ZNF394: variants seen among roughly 807,000 people sequenced by gnomAD.
The protein encoded by ZNF394 is zinc finger protein 99.
In ZNF394, 19 loss-of-function variants were observed where a neutral mutation model predicts 21.8. That is an observed-to-expected ratio of 0.87 (90% confidence interval 0.61 to 1.28). ZNF394 has a LOEUF of 1.28. Ranked by LOEUF, ZNF394 falls within the 50% of genes most tolerant of loss-of-function variation. The pLI, the probability that ZNF394 is intolerant of heterozygous loss-of-function variation, is 0.00. For synonymous variants in ZNF394, 294 were observed against 273.3 expected (o/e 1.08, Z -0.75); for missense variants, 683 against 708.6 (o/e 0.96, Z 0.41).
rs923788623 is a variant in ZNF394 at position 99,500,264 on chromosome 7, G to C, written c.-171C>G. 1.0e-4 allele frequency: 60 copies of C among 597,438 alleles called. No individual in the cohort carries two copies. The highest frequency in any genetic ancestry group is 3.8e-5 in the Non-Finnish European group (14 of 370,898). 37.0% of individuals were successfully genotyped at this position (597,438 alleles called of 1,614,324 possible). On this transcript the variant is annotated 5_prime_UTR_variant, in exon 1 of 3. Coordinates refer to ENST00000337673, the MANE Select transcript of ZNF394 (RefSeq NM_032164.4). ...TCAGCTTTGCGCCTACAACTCTCTC[G>C]GTCAAACAACCGAAAACATCCCGTG...
At chr7:99,499,547 T>C (rs1015291776) in intron 1 of ZNF394, 91 bp downstream of exon 1, 9 of 1,191,900 alleles carry the variant, frequency 7.6e-6, no homozygotes, top group Non-Finnish European at 1.1e-5. Flanking sequence ...TCACACGAAA[T>C]GTAATAAGGA....
At chr7:99,497,971 G>GT in intron 2 of ZNF394, 1 of 136,092 alleles carries the variant, frequency 7.3e-6, no homozygotes, top group Middle Eastern at 3.6e-3. Flanking sequence ...TGTACTGTGG[G>GT]TAAGTGAAAC....
At position 99,494,174 on chromosome 7, in the gene ZNF394, C is replaced by T. The variant is rs977831559; in HGVS notation, c.1041G>A (p.Glu347=). ...TTTCTTCATGGAGCTGCCTCTGGGT[C>T]TCAAAAAGGCTGGAATGATGGAAAC... The part of the protein sequence containing the change: ...GDSFHHSSLF[E]TQRQLHEERP... Residue 347 remains glutamate (E), a synonymous_variant, in exon 3 of 3, where the codon GAG becomes GAA. Coordinates refer to ENST00000337673, the MANE Select transcript of ZNF394 (RefSeq NM_032164.4). 1.4e-5 allele frequency: 22 copies of T among 1,614,232 alleles called. No homozygotes were observed. Among genetic ancestry groups the T allele is most frequent in the Non-Finnish European group, 1.9e-5 (22 of 1,180,050 alleles).
downstream of ZNF394, among the ~76,000 whole-genome samples, chr7:99,491,999 G>T (rs975817477): frequency 5.9e-5 from 9 of 151,280 alleles, no homozygotes; most frequent in African/African-American, 2.2e-4. Flanking sequence ...CATGAACCCG[G>T]GAGGTGGAGT....
chr7:99,486,958 TG>T (rs1562889036), exon 2 of ZNF394: 1 of 1,614,192 alleles, frequency 6.2e-7, no homozygotes, highest in Middle Eastern at 1.6e-4. Flanking sequence ...CCATAAACAG[TG>T]TCACCTGCAA....
Position 99,494,602 on chromosome 7 carries a change from A to G in ZNF394, c.613T>C (p.Leu205=), listed in dbSNP as rs1800246955. The change falls in exon 3 of 3, where the codon TTG becomes CTG. Residue 205 remains leucine, a synonymous_variant. Transcript: ENST00000337673. The part of the protein sequence containing the change: ...SLESRVENKE[L]IPMQQILEEA... ...TCTAAAATTTGTTGCATTGGAATCA[A>G]CTCTTTGTTCTCCACTCTGCTTTCC... 1 of 1,601,574 alleles carries G rather than the reference A, an allele frequency of 6.2e-7. No individual in the cohort carries two copies. The highest frequency in any genetic ancestry group is 8.5e-7 in the Non-Finnish European group (1 of 1,175,662).
chr7:99,500,153 C>A lies in ZNF394; in HGVS notation c.-60G>T. ...TCTTTTCAGGTGAAGAAAGAGCAAA[C>A]CCAAGGAACTCATCAGCCGTCAACA... On this transcript the variant is annotated 5_prime_UTR_variant, in exon 1 of 3. Coordinates refer to ENST00000337673, the MANE Select transcript of ZNF394 (RefSeq NM_032164.4). 1 of 1,490,492 alleles carries A rather than the reference C, an allele frequency of 6.7e-7. No homozygotes were observed. 92.3% of individuals were successfully genotyped at this position (1,490,492 alleles called of 1,614,324 possible). A position where few individuals can be genotyped will look rare whatever the true frequency, so the allele number is the denominator to read the frequency against.
Position 99,494,495 on chromosome 7 carries a change from C to G in ZNF394, c.720G>C (p.Glu240Asp). 6.2e-7 allele frequency: 1 copy of G among 1,613,838 alleles called. No individual in the cohort carries two copies. Among genetic ancestry groups the G allele is most frequent in the Non-Finnish European group, 8.5e-7 (1 of 1,180,036 alleles). Residue 240 changes from glutamate to aspartate, a missense_variant, in exon 3 of 3, where the codon GAG becomes GAC. By Grantham distance (45) the Glu-to-Asp change is conservative. This residue lies in a region of ZNF394 where 402 missense variants were observed against 373.8 expected (regional missense o/e 1.08). Coordinates refer to ENST00000337673, the MANE Select transcript of ZNF394 (RefSeq NM_032164.4). Reference protein sequence around the residue: ...PLFSKCGSTHEDRVEKQSGDP... With the variant: ...PLFSKCGSTHDDRVEKQSGDP... ...CTCCGGACTGCTTTTCCACCCTGTCCTCATGGGTACTGCCACACTTAGAAA... is the reference window on the plus strand; with the variant it reads ...CTCCGGACTGCTTTTCCACCCTGTCGTCATGGGTACTGCCACACTTAGAAA...
intron 2 of ZNF394, among the ~76,000 whole-genome samples, chr7:99,497,151 T>G (rs1312794776): frequency 7.1e-6 from 1 of 140,538 alleles, no homozygotes; most frequent in Non-Finnish European, 1.5e-5. Context: ...TGTATATATA[T>G]ATATAAAATG....
rs1231136198 is a variant in ZNF394 at position 99,497,120 on chromosome 7, GTGTA to G, written c.583+1592_583+1595del. Reference sequence around the variant, plus strand: ...TGTGTGTGTGTGTGTGTGTGTGTGTGTGTATATATATATATATATATGTATATAT... The same window carrying G: ...TGTGTGTGTGTGTGTGTGTGTGTGTGTATATATATATATATATGTATATAT... On this transcript the variant is annotated intron_variant, in intron 2 of 2. Coordinates refer to ENST00000337673, the MANE Select transcript of ZNF394 (RefSeq NM_032164.4). Among the ~76,000 whole-genome samples, 249 of 91,346 alleles carry G rather than the reference GTGTA, an allele frequency of 2.7e-3. 1 individual carries two copies. Among genetic ancestry groups the G allele is most frequent in the Middle Eastern group, 9.6e-3 (2 of 208 alleles). 59.9% of individuals were successfully genotyped at this position (91,346 alleles called of 152,430 possible).
Position 99,494,522 on chromosome 7 carries a change from CAG to C in ZNF394, c.691_692del (p.Leu231ValfsTer3), listed in dbSNP as rs780207638. The part of the protein sequence containing the change: ...LQEAFQGKRP[L>X]FSKCGSTHED... ...CATGGGTACTGCCACACTTAGAAAA[CAG>C]GGGGCGCTTCCCCTGGAACGCTTCT... is the stretch of plus-strand genomic sequence containing the variant. On this transcript the variant is annotated frameshift_variant, in exon 3 of 3. Transcript: ENST00000337673. LOFTEE classifies it low-confidence loss of function (END_TRUNC). 25 of 1,613,596 alleles carry C rather than the reference CAG, an allele frequency of 1.5e-5. No individual in the cohort carries two copies. The highest frequency in any genetic ancestry group is 3.3e-5 in the South Asian group (3 of 91,088).
At chr7:99,487,406 G>A (rs1800028297) in intron 1 of ZNF394, 5 of 1,614,092 alleles carry the variant, frequency 3.1e-6, no homozygotes, top group Non-Finnish European at 3.4e-6. Context: ...CCCTACCAAT[G>A]TGTCATATGT....
chr7:99,498,642 G>A (rs1394724596), intron 2 of ZNF394, 74 bp downstream of exon 2: 2 of 1,595,486 alleles, frequency 1.3e-6, no homozygotes, highest in Non-Finnish European at 1.7e-6. Context: ...ATGGCATAGT[G>A]GCTCAGGGAT....
chr7:99,498,135 A>C (rs537983905), intron 2 of ZNF394: 8 of 152,578 alleles, frequency 5.2e-5, no homozygotes, highest in African/African-American at 1.7e-4. Context: ...TAAGACACCT[A>C]AATGTCCATC....
At chr7:99,495,643 G>A (rs1021197334) in intron 2 of ZNF394, among the ~76,000 whole-genome samples, 1 of 145,708 alleles carries the variant, frequency 6.9e-6, no homozygotes, top group African/African-American at 2.6e-5. Context: ...TTTTTGAGAT[G>A]GAGTTTCGCT....
downstream of ZNF394, among the ~76,000 whole-genome samples, chr7:99,490,066 A>G (rs1800128372): frequency 6.6e-6 from 1 of 151,142 alleles, no homozygotes; most frequent in South Asian, 2.1e-4. Flanking sequence ...GTAATCCCCA[A>G]CACTTTGGGA....
intron 1 of ZNF394, among the ~76,000 whole-genome samples, chr7:99,499,354 C>T (rs960446531): frequency 1.4e-5 from 2 of 145,504 alleles, no homozygotes; most frequent in African/African-American, 2.6e-5. Flanking sequence ...CCAGCCTGGG[C>T]AACAAGAGTG....
At chr7:99,497,643 C>A (rs1397533815) in intron 2 of ZNF394, among the ~76,000 whole-genome samples, 1 of 151,978 alleles carries the variant, frequency 6.6e-6, no homozygotes, top group Admixed American at 6.6e-5. Flanking sequence ...GCAGGAGGAT[C>A]ACCTGAGGTA....
rs201107533 is a variant in ZNF394 at position 99,499,990 on chromosome 7, C to G, written c.104G>C (p.Gly35Ala). 5.5e-4 allele frequency: 883 copies of G among 1,612,510 alleles called. 2 individuals carry two copies. Among genetic ancestry groups the G allele is most frequent in the Non-Finnish European group, 7.0e-4 (829 of 1,179,920 alleles). The change falls in exon 1 of 3, where the codon GGA becomes GCA. Residue 35 changes from glycine (G) to alanine (A), a missense_variant. This residue lies in a region of ZNF394 where 402 missense variants were observed against 373.8 expected (regional missense o/e 1.08). Coordinates refer to ENST00000337673, the MANE Select transcript of ZNF394 (RefSeq NM_032164.4). ...TTCCTCCACTTTCACGGGCAAAAGTCCGTCGCGTTGGGACGGCGCCGCGTC... is the reference window on the plus strand; with the variant it reads ...TTCCTCCACTTTCACGGGCAAAAGTGCGTCGCGTTGGGACGGCGCCGCGTC... ...SKDAAPSQRD[G>A]LLPVKVEEDS...
Sources: gnomAD v4.1 joint callset for allele counts (sites outside exome capture counted in the v4.1 genomes callset) on GRCh38, gnomAD v4.1.1 for gene constraint, gnomAD v4.1.1 regional missense constraint, MANE v1.5 for transcripts, NCBI Gene and HGNC (gene_info 2026-07-23, HGNC 2026-07-21) for gene names.